The following FOXP1 variants were observed in gnomAD, a reference collection of about 807,000 sequenced individuals.
FOXP1 encodes forkhead box P1.
A neutral mutation model predicts 98.2 loss-of-function variants in FOXP1; 15 were observed. That is an observed-to-expected ratio of 0.15 (90% CI 0.10 to 0.24). The LOEUF (loss-of-function observed/expected upper bound fraction) is 0.24. Among genes scored for constraint, FOXP1 ranks in the 10% least tolerant of loss-of-function variants. The pLI, the probability that FOXP1 is intolerant of heterozygous loss-of-function variation, is 1.00. For missense variants in FOXP1, 633 were observed against 848.5 expected (o/e 0.75, Z 3.15); for synonymous variants, 371 against 314.5 (o/e 1.18, Z -1.90).
intron 4 of FOXP1, among the ~76,000 whole-genome samples, chr3:71,347,521 A>G (rs1338849429): frequency 6.6e-6 from 1 of 152,142 alleles, no homozygotes; most frequent in Non-Finnish European, 1.5e-5. Flanking sequence ...TGAAGAACTA[A>G]GGTTTACTAT....
intron 3 of FOXP1, among the ~76,000 whole-genome samples, chr3:71,390,538 C>T (rs1395376563): frequency 6.9e-6 from 1 of 144,946 alleles, no homozygotes; most frequent in Non-Finnish European, 1.5e-5. Flanking sequence ...ACAGTTGTGC[C>T]TCATGGATGG....
intron 20 of FOXP1, among the ~76,000 whole-genome samples, chr3:70,960,154 A>T (rs963334534): frequency 6.6e-6 from 1 of 152,208 alleles, no homozygotes; most frequent in Non-Finnish European, 1.5e-5. Context: ...AGACACCATG[A>T]TATACATGCT....
intron 4 of FOXP1, among the ~76,000 whole-genome samples, chr3:71,336,350 C>T (rs539801778): frequency 1.3e-5 from 2 of 152,084 alleles, no homozygotes; most frequent in African/African-American, 4.8e-5. Flanking sequence ...TGGTGGTTTG[C>T]TGCACCTATC....
At chr3:71,331,568 A>G (rs1176030389) in intron 4 of FOXP1, among the ~76,000 whole-genome samples, 2 of 152,238 alleles carry the variant, frequency 1.3e-5, no homozygotes, top group Non-Finnish European at 2.9e-5. Context: ...TCCTGAGTCT[A>G]GTGGGGACTT....
chr3:71,399,173 T>C (rs929376852), intron 3 of FOXP1, among the ~76,000 whole-genome samples: 1 of 152,234 alleles, frequency 6.6e-6, no homozygotes, highest in Non-Finnish European at 1.5e-5. Context: ...TGTGTCTATG[T>C]GTGTACATAC....
chr3:71,018,033 C>T (rs893253986), intron 11 of FOXP1, among the ~76,000 whole-genome samples: 16 of 152,242 alleles, frequency 1.1e-4, no homozygotes, highest in East Asian at 1.9e-4. Context: ...AGTGGTTAAA[C>T]GGCTGTGCTT....
Position 71,201,649 on chromosome 3 carries a change from GA to G in FOXP1, c.-11-3258del, listed in dbSNP as rs997930672. ...CTCGAAAAAAGGGGGCGGGGAGAGG[GA>G]AAAAAAAAAGAATTATAGGAAAAGG... On this transcript the variant is annotated intron_variant, in intron 5 of 20. Transcript: ENST00000649528. 3.1e-3 allele frequency among the ~76,000 whole-genome samples: 450 copies of G among 145,992 alleles called. 1 individual carries two copies. Among genetic ancestry groups the G allele is most frequent in the African/African-American group, 9.2e-3 (369 of 39,902 alleles).
At chr3:71,233,430 G>C (rs1163878101) in intron 5 of FOXP1, among the ~76,000 whole-genome samples, 2 of 151,510 alleles carry the variant, frequency 1.3e-5, no homozygotes, top group African/African-American at 4.8e-5. Context: ...TTTTGTTTTT[G>C]TTTTTGTTTT....
intron 3 of FOXP1, among the ~76,000 whole-genome samples, chr3:71,363,836 A>G (rs2078737746): frequency 6.6e-6 from 1 of 152,162 alleles, no homozygotes; most frequent in South Asian, 2.1e-4. Flanking sequence ...GTGGGTATAC[A>G]CTACTTTCAT....
At chr3:71,055,424 T>C (rs1427773137) in intron 7 of FOXP1, among the ~76,000 whole-genome samples, 1 of 152,228 alleles carries the variant, frequency 6.6e-6, no homozygotes, top group African/African-American at 2.4e-5. Context: ...TAAGTGTAGA[T>C]GTAGATACAC....
At chr3:70,991,052 A>AT (rs11373167) in intron 13 of FOXP1, among the ~76,000 whole-genome samples, 127,827 of 144,816 alleles carry the variant, frequency 0.88, 56,551 homozygotes, top group Non-Finnish European at 0.93. Flanking sequence ...CAACTTTCTA[A>AT]TTTTTTTTTT....
chr3:71,149,733 A>C (rs574111984), intron 6 of FOXP1, among the ~76,000 whole-genome samples: 1 of 152,312 alleles, frequency 6.6e-6, no homozygotes, highest in South Asian at 2.1e-4. Flanking sequence ...GTTAAAACTA[A>C]ATGCATGACT....
chr3:71,042,025 A>G (rs972116413), intron 10 of FOXP1, among the ~76,000 whole-genome samples: 10 of 152,188 alleles, frequency 6.6e-5, no homozygotes, highest in South Asian at 2.1e-4. Context: ...TAAATTATGA[A>G]TTCATATCGT....
At chr3:70,961,139 A>G (rs1019979365) in intron 20 of FOXP1, among the ~76,000 whole-genome samples, 2 of 151,130 alleles carry the variant, frequency 1.3e-5, no homozygotes. Context: ...GCTGCTAAAA[A>G]AATAATTTCT....
intron 5 of FOXP1, among the ~76,000 whole-genome samples, chr3:71,217,742 G>C (rs2065052899): frequency 6.6e-6 from 1 of 152,108 alleles, no homozygotes; most frequent in African/African-American, 2.4e-5. Context: ...TTTACAGGAA[G>C]TGAAATCTGA....
chr3:71,144,543 T>C (rs1040659063), intron 6 of FOXP1, among the ~76,000 whole-genome samples: 1 of 152,190 alleles, frequency 6.6e-6, no homozygotes, highest in Non-Finnish European at 1.5e-5. Flanking sequence ...GGAGAGGTTC[T>C]TGGGCAAAAG....
chr3:71,379,656 T>A (rs1291687195), intron 3 of FOXP1, among the ~76,000 whole-genome samples: 3 of 152,112 alleles, frequency 2.0e-5, no homozygotes, highest in African/African-American at 7.2e-5. Context: ...AATAAAAAAA[T>A]TATATGAAAA....
chr3:70,960,243 G>C (rs563661408), intron 20 of FOXP1, among the ~76,000 whole-genome samples: 1 of 152,302 alleles, frequency 6.6e-6, no homozygotes, highest in African/African-American at 2.4e-5. Flanking sequence ...CAAACGTAGA[G>C]GAAAAGGCTC....
At chr3:71,029,995 T>C (rs1450446830) in intron 11 of FOXP1, among the ~76,000 whole-genome samples, 1 of 152,216 alleles carries the variant, frequency 6.6e-6, no homozygotes, top group Non-Finnish European at 1.5e-5. Context: ...TATTAACTCA[T>C]TTAATCCTCA....
Sources: allele counts gnomAD v4.1 joint callset (sites outside exome capture counted in the v4.1 genomes callset), GRCh38; gene constraint gnomAD v4.1.1; transcripts MANE v1.5; gene names NCBI Gene and HGNC (gene_info 2026-07-23, HGNC 2026-07-21).